Variants in ZNF600 observed in about 807,000 individuals in gnomAD.
The protein encoded by ZNF600 is zinc finger protein 600.
In ZNF600, 4 loss-of-function variants were observed where a neutral mutation model predicts 7.3. The ratio of observed to expected loss-of-function variants is 0.55; its 90% confidence interval spans 0.27 to 1.25. The LOEUF (loss-of-function observed/expected upper bound fraction) is 1.25, where lower values mean the gene tolerates loss of function less well. Among genes scored for constraint, ZNF600 ranks in the 50% most tolerant of loss-of-function variants. The pLI, the probability that ZNF600 is intolerant of heterozygous loss-of-function variation, is 0.12. For synonymous variants in ZNF600, 290 were observed against 308.9 expected (o/e 0.94, Z 0.64); for missense variants, 911 against 922.1 (o/e 0.99, Z 0.16).
the ZNF600 span, chr19:52,797,661 G>A: frequency 6.4e-6 from 1 of 155,122 alleles, no homozygotes; most frequent in South Asian, 2.1e-4. Flanking sequence ...AAGGTGAGAA[G>A]TTTGTACCTT....
intron 2 of ZNF600, among the ~76,000 whole-genome samples, chr19:52,775,090 ATTT>A (rs2062663072): frequency 1.3e-5 from 2 of 152,032 alleles, no homozygotes; most frequent in Non-Finnish European, 2.9e-5. Flanking sequence ...AAATATAAAA[ATTT>A]GTCAGGCATG....
At chr19:52,765,288 C>T (rs879244885) in exon 4 of ZNF600, 8 of 628,738 alleles carry the variant, frequency 1.3e-5, no homozygotes, top group South Asian at 1.1e-4. Context: ...TCTCTGATGT[C>T]TAATGAGGTG....
At chr19:52,828,823 C>T in the ZNF600 span, among the ~76,000 whole-genome samples, 1 of 152,142 alleles carries the variant, frequency 6.6e-6, no homozygotes, top group African/African-American at 2.4e-5. Flanking sequence ...GTGTTGACTA[C>T]TCATGAATAA....
intron 3 of ZNF600, among the ~76,000 whole-genome samples, chr19:52,770,855 C>CA (rs1200833572): frequency 6.6e-6 from 1 of 152,000 alleles, no homozygotes; most frequent in Non-Finnish European, 1.5e-5. Context: ...ACTTTTGAGA[C>CA]AGAGTTTCGC....
the ZNF600 span, among the ~76,000 whole-genome samples, chr19:52,813,249 GAAA>G: frequency 2.5e-4 from 16 of 62,986 alleles, no homozygotes; most frequent in South Asian, 1.9e-3. Context: ...CTTGAATGGT[GAAA>G]AAAAAAAAAA....
the ZNF600 span, chr19:52,805,514 C>T: frequency 1.3e-5 from 2 of 151,814 alleles, no homozygotes; most frequent in African/African-American, 4.8e-5. Context: ...GTAGTTGCAG[C>T]TACTCGGGAG....
chr19:52,769,982 T>G (rs754509715), intron 3 of ZNF600, among the ~76,000 whole-genome samples: 10 of 151,860 alleles, frequency 6.6e-5, no homozygotes, highest in Non-Finnish European at 1.2e-4. Context: ...AGCAAGCAAG[T>G]AAGTACATTT....
At chr19:52,773,681 C>T (rs1386248358) in intron 3 of ZNF600, among the ~76,000 whole-genome samples, 1 of 151,868 alleles carries the variant, frequency 6.6e-6, no homozygotes, top group Non-Finnish European at 1.5e-5. Context: ...CCAGCCAGGC[C>T]AGCATGGTGA....
At chr19:52,820,157 C>A in the ZNF600 span, among the ~76,000 whole-genome samples, 3 of 103,840 alleles carry the variant, frequency 2.9e-5, no homozygotes, top group Non-Finnish European at 1.9e-5. Context: ...GTCGTCCAGG[C>A]CGGACTGCGG....
chr19:52,779,338 A>G (rs1218412690), intron 1 of ZNF600, among the ~76,000 whole-genome samples: 1 of 152,224 alleles, frequency 6.6e-6, no homozygotes, highest in African/African-American at 2.4e-5. Flanking sequence ...GGTGGGTTCC[A>G]TCCCATCAGA....
chr19:52,794,153 C>A, the ZNF600 span, among the ~76,000 whole-genome samples: 13 of 151,746 alleles, frequency 8.6e-5, no homozygotes, highest in East Asian at 1.9e-4. Context: ...GGTTAAAGCC[C>A]TGAGATGAGA....
the ZNF600 span, among the ~76,000 whole-genome samples, chr19:52,820,889 A>G: frequency 2.0e-5 from 3 of 151,570 alleles, no homozygotes; most frequent in Non-Finnish European, 2.9e-5. Context: ...CAGGTTTTCT[A>G]CTGCTCTCTT....
At chr19:52,770,285 CA>C (rs879913750) in intron 3 of ZNF600, among the ~76,000 whole-genome samples, 1 of 151,662 alleles carries the variant, frequency 6.6e-6, no homozygotes, top group East Asian at 1.9e-4. Context: ...ACTAAGAATA[CA>C]AAAAAAACAG....
chr19:52,808,041 C>T, the ZNF600 span: 1 of 1,613,616 alleles, frequency 6.2e-7, no homozygotes, highest in South Asian at 1.1e-5. Flanking sequence ...TCTCCAGCAT[C>T]ACATCCCTGT....
intron 2 of ZNF600, among the ~76,000 whole-genome samples, chr19:52,777,129 C>G (rs1376303952): frequency 1.3e-5 from 2 of 152,096 alleles, no homozygotes; most frequent in Non-Finnish European, 2.9e-5. Flanking sequence ...GCCTGTAATC[C>G]CAGCACTATG....
the ZNF600 span, among the ~76,000 whole-genome samples, chr19:52,828,962 G>A: frequency 4.2e-4 from 64 of 152,184 alleles, no homozygotes; most frequent in Middle Eastern, 3.4e-3. Flanking sequence ...CCAGATTCAC[G>A]CCATTCTCCT....
intron 2 of ZNF600, among the ~76,000 whole-genome samples, chr19:52,775,812 G>C (rs181413868): frequency 1.3e-5 from 2 of 152,118 alleles, no homozygotes; most frequent in African/African-American, 4.8e-5. Flanking sequence ...TTTGAGACCA[G>C]CTTGGGAACA....
the ZNF600 span, among the ~76,000 whole-genome samples, chr19:52,812,130 C>T: frequency 1.5e-4 from 18 of 118,780 alleles, no homozygotes; most frequent in Non-Finnish European, 2.8e-4. Context: ...CCGCCCCGTC[C>T]GGGAGGGTGG....
At chr19:52,813,361 G>T in the ZNF600 span, among the ~76,000 whole-genome samples, 1 of 151,896 alleles carries the variant, frequency 6.6e-6, no homozygotes, top group Non-Finnish European at 1.5e-5. Context: ...GAGTGGGGCA[G>T]GGGGCGGCTT....
Sources: gnomAD v4.1 joint callset for allele counts (sites outside exome capture counted in the v4.1 genomes callset) on GRCh38, gnomAD v4.1.1 for gene constraint, MANE v1.5 for transcripts, NCBI Gene and HGNC (gene_info 2026-07-23, HGNC 2026-07-21) for gene names.